Variants in DDX46 observed in about 807,000 individuals in gnomAD.
The protein encoded by DDX46 is DEAD-box helicase 46.
A neutral mutation model predicts 134.9 loss-of-function variants in DDX46; 30 were observed. That is an observed-to-expected ratio of 0.22 (90% confidence interval 0.17 to 0.30). The LOEUF (loss-of-function observed/expected upper bound fraction) is 0.30, where lower values mean the gene tolerates loss of function less well. Ranked by LOEUF, DDX46 falls within the 10% of genes least tolerant of loss-of-function variation. DDX46 has a pLI of 1.00. For synonymous variants in DDX46, 415 were observed against 404.1 expected (o/e 1.03, Z -0.32); for missense variants, 622 against 1,248.7 (o/e 0.50, Z 7.56).
chr5:134,797,542 G>T (rs1754703411), intron 15 of DDX46, among the ~76,000 whole-genome samples: 1 of 152,172 alleles, frequency 6.6e-6, no homozygotes, highest in African/African-American at 2.4e-5. Flanking sequence ...ACAAGAAGCT[G>T]CCCAGCCAGT....
At chr5:134,760,761 C>T (rs768195204) in intron 1 of DDX46, among the ~76,000 whole-genome samples, 1 of 152,084 alleles carries the variant, frequency 6.6e-6, no homozygotes, top group Non-Finnish European at 1.5e-5. Flanking sequence ...GACAGAGTCT[C>T]GCTCTTTCGC....
intron 13 of DDX46, among the ~76,000 whole-genome samples, chr5:134,791,414 A>G (rs542518791): frequency 2.0e-5 from 3 of 152,302 alleles, no homozygotes; most frequent in East Asian, 3.9e-4. Context: ...CAAAAAAATT[A>G]GCCGGGCTTG....
Position 134,762,838 on chromosome 5 carries a change from C to T in DDX46, c.18-1066C>T, listed in dbSNP as rs532847281. Among the ~76,000 whole-genome samples, 25 of 152,092 alleles carry T rather than the reference C, an allele frequency of 1.6e-4. 1 individual carries two copies. Among genetic ancestry groups the T allele is most frequent in the Non-Finnish European group, 2.6e-4 (18 of 68,028 alleles). On this transcript the variant is annotated intron_variant, in intron 1 of 22. Coordinates refer to ENST00000452510, the MANE Select transcript of DDX46 (RefSeq NM_001300860.2). ...TTGGGAGGCTGAGGCAGGTGGATCACGAGGTCAGGAGATCGAGACCATCCT... is the reference window on the plus strand; with the variant it reads ...TTGGGAGGCTGAGGCAGGTGGATCATGAGGTCAGGAGATCGAGACCATCCT...
chr5:134,811,864 T>G lies in DDX46; in HGVS notation c.2436+19T>G. The G allele has an allele frequency of 6.3e-7, 1 of 1,599,440 alleles. No homozygotes were observed. Among genetic ancestry groups the G allele is most frequent in the Non-Finnish European group, 8.5e-7 (1 of 1,175,714 alleles). On this transcript the variant is annotated intron_variant, in intron 18 of 22. Transcript: ENST00000452510. ...AGTTGATGTAAGTACTATTATTCTCTCATTCTTAATTGAAGCAGTTATTTC... is the reference window on the plus strand; with the variant it reads ...AGTTGATGTAAGTACTATTATTCTCGCATTCTTAATTGAAGCAGTTATTTC...
rs1441877094 is a variant in DDX46 at position 134,785,710 on chromosome 5, TGAA to T, written c.1464+126_1464+128del. On this transcript the variant is annotated intron_variant, in intron 11 of 22. Coordinates refer to ENST00000452510, the MANE Select transcript of DDX46 (RefSeq NM_001300860.2). ...ATTGCTTCTAAAATCATTTAAAAAA[TGAA>T]GTATAAAAATAATAGTAAGAATTAG... is the stretch of plus-strand genomic sequence containing the variant. The T allele has an allele frequency of 1.4e-5, 16 of 1,176,564 alleles. No individual in the cohort carries two copies. The Middle Eastern group carries it at 7.5e-4, about 55-fold the overall frequency. 72.9% of individuals were successfully genotyped at this position (1,176,564 alleles called of 1,614,324 possible).
At chr5:134,789,004 A>G (rs1754426906) in intron 12 of DDX46, among the ~76,000 whole-genome samples, 1 of 152,166 alleles carries the variant, frequency 6.6e-6, no homozygotes, top group African/African-American at 2.4e-5. Context: ...AGAGTGGGGT[A>G]GTAGCTTTTT....
chr5:134,762,927 C>T (rs775581289), intron 1 of DDX46, among the ~76,000 whole-genome samples: 1 of 151,372 alleles, frequency 6.6e-6, no homozygotes. Flanking sequence ...GGCGTAATGG[C>T]GGACGCCTAT....
chr5:134,823,655 C>T (rs1755516912), intron 21 of DDX46, among the ~76,000 whole-genome samples: 1 of 152,150 alleles, frequency 6.6e-6, no homozygotes, highest in Non-Finnish European at 1.5e-5. Context: ...TACTTTTGGT[C>T]TGCCAATGAC....
chr5:134,785,101 A>G (rs997636632), intron 10 of DDX46, among the ~76,000 whole-genome samples: 11 of 152,202 alleles, frequency 7.2e-5, no homozygotes, highest in Non-Finnish European at 1.5e-4. Flanking sequence ...CCCTCAGACC[A>G]AGGTTGTTTC....
chr5:134,804,594 A>C lies in DDX46; in HGVS notation c.1955-3154A>C, dbSNP rs138624533. Among the ~76,000 whole-genome samples the C allele has an allele frequency of 1.2e-3, 186 of 152,208 alleles. 1 individual carries two copies. Among genetic ancestry groups the C allele is most frequent in the African/African-American group, 3.5e-3 (144 of 41,548 alleles). On this transcript the variant is annotated intron_variant, in intron 15 of 22. Coordinates refer to ENST00000452510, the MANE Select transcript of DDX46 (RefSeq NM_001300860.2). ...GTTGGGACTACAAGCGTGTGCCACC[A>C]CACCAGGCTAATTTTTTGTAGAGAG...
At chr5:134,817,366 T>C in intron 19 of DDX46, 130 bp from the exon 20 acceptor site, 4 of 807,388 alleles carry the variant, frequency 5.0e-6, no homozygotes, top group East Asian at 2.7e-5. Context: ...AATGAGACTA[T>C]GCATTAGAAA....
rs143611636 is a variant in DDX46, at chr5:134,791,007, G to A, written c.1626+455G>A. The stretch of plus-strand genomic sequence containing the variant: ...GCCCGGTTAACTTTTTAATAGAGAT[G>A]GAGTTTCACCACGTTGGCCAGGCTG... On this transcript the variant is annotated intron_variant, in intron 13 of 22. Coordinates refer to ENST00000452510, the MANE Select transcript of DDX46 (RefSeq NM_001300860.2). Among the ~76,000 whole-genome samples the A allele has an allele frequency of 2.2e-3, 314 of 144,402 alleles. 6 individuals are homozygous for A. The highest frequency in any genetic ancestry group is 0.016 in the Admixed American group (236 of 14,566). The allele number at this position is 144,402 out of a possible 152,430, so 94.7% of individuals were successfully genotyped here.
chr5:134,818,030 A>G (rs577340485), intron 20 of DDX46, among the ~76,000 whole-genome samples: 1 of 150,734 alleles, frequency 6.6e-6, no homozygotes, highest in South Asian at 2.1e-4. Flanking sequence ...ACTCACCTCA[A>G]CCTCCGCCTC....
In DDX46 at chr5:134,766,929, TAG is replaced by T. The variant is rs753050477; in HGVS notation, c.229_230del (p.Asp77GlnfsTer11). On this transcript the variant is annotated frameshift_variant, in exon 3 of 23. Coordinates refer to ENST00000452510, the MANE Select transcript of DDX46 (RefSeq NM_001300860.2). LOFTEE classifies it high-confidence loss of function. The stretch of plus-strand genomic sequence containing the variant: ...GTCCCCCTTTCAGACGTTCCAGAAG[TAG>T]AGAGAGAGACAGAAGCCGAGAGCGA... Reference protein sequence around the residue: ...DRKRLRRSRSRERDRSRERRR... With the variant: ...DRKRLRRSRSXERDRSRERRR... 3.1e-6 allele frequency: 5 copies of T among 1,612,312 alleles called. No homozygotes were observed. The highest frequency in any genetic ancestry group is 1.7e-5 in the Admixed American group (1 of 59,640).
chr5:134,781,163 A>T lies in DDX46; in HGVS notation c.796A>T (p.Thr266Ser). ...TGGGCCAACGGTCACAAAAGTTGTCACTGTTGTGACAACCAAAAAAGCAGT... is the reference window on the plus strand; with the variant it reads ...TGGGCCAACGGTCACAAAAGTTGTCTCTGTTGTGACAACCAAAAAAGCAGT... ...KSGPTVTKVV[T>S]VVTTKKAVVD... is the part of the protein sequence containing the mutation. Residue 266 changes from threonine to serine, a missense_variant, in exon 7 of 23, where the codon ACT becomes TCT. Coordinates refer to ENST00000452510, the MANE Select transcript of DDX46 (RefSeq NM_001300860.2). 1 of 1,589,482 alleles carries T rather than the reference A, an allele frequency of 6.3e-7. No individual in the cohort carries two copies. Among genetic ancestry groups the T allele is most frequent in the Non-Finnish European group, 8.5e-7 (1 of 1,174,288 alleles).
chr5:134,800,171 C>T (rs778046564), intron 15 of DDX46, among the ~76,000 whole-genome samples: 4 of 152,126 alleles, frequency 2.6e-5, no homozygotes, highest in Admixed American at 6.6e-5. Context: ...TGGTCTCAAA[C>T]GCCTGACCTC....
chr5:134,796,162 C>T lies in DDX46; in HGVS notation c.1954+12C>T, dbSNP rs772322526. ...GTCTCTTCATGGAGGTAATTATTCA[C>T]TTGATTCACACATAAAATATCTATT... On this transcript the variant is annotated intron_variant, in intron 15 of 22. Coordinates refer to ENST00000452510, the MANE Select transcript of DDX46 (RefSeq NM_001300860.2). 5 of 1,611,854 alleles carry T rather than the reference C, an allele frequency of 3.1e-6. No individual in the cohort carries two copies. Among genetic ancestry groups the T allele is most frequent in the African/African-American group, 1.3e-5 (1 of 74,858 alleles).
intron 16 of DDX46, among the ~76,000 whole-genome samples, chr5:134,811,000 C>T (rs1270496590): frequency 2.6e-5 from 4 of 151,762 alleles, no homozygotes; most frequent in African/African-American, 7.3e-5. Flanking sequence ...AGTGAGACTC[C>T]ATCTCAAAAA....
intron 15 of DDX46, among the ~76,000 whole-genome samples, chr5:134,807,411 A>G (rs1252850379): frequency 6.6e-6 from 1 of 152,164 alleles, no homozygotes; most frequent in Non-Finnish European, 1.5e-5. Flanking sequence ...CTACAGGGAA[A>G]GGAGAAAGAT....
Sources: allele counts gnomAD v4.1 joint callset (sites outside exome capture counted in the v4.1 genomes callset), GRCh38; gene constraint gnomAD v4.1.1; transcripts MANE v1.5; gene names NCBI Gene and HGNC (gene_info 2026-07-23, HGNC 2026-07-21).